The following TECPR1 variants were observed in gnomAD, a reference collection of about 807,000 sequenced individuals.
The protein encoded by TECPR1 is tectonin beta-propeller repeat containing 1.
Under a neutral mutation model 162.4 loss-of-function variants are expected in TECPR1, and 122 were observed. That is an observed-to-expected ratio of 0.75 (90% CI 0.65 to 0.87). The LOEUF (loss-of-function observed/expected upper bound fraction) is 0.87. Ranked by LOEUF, TECPR1 falls within the 40% of genes least tolerant of loss-of-function variation. The pLI is 0.00. For synonymous variants in TECPR1, 642 were observed against 670.6 expected (o/e 0.96, Z 0.66); for missense variants, 1,432 against 1,618.2 (o/e 0.88, Z 1.97).
intron 17 of TECPR1, among the ~76,000 whole-genome samples, chr7:98,225,588 T>G (rs113610231): frequency 6.6e-6 from 1 of 151,946 alleles, no homozygotes; most frequent in Admixed American, 6.6e-5. Flanking sequence ...CACAGACACA[T>G]GCATAGAGGG....
At chr7:98,236,309 G>A (rs961982851) in intron 10 of TECPR1, among the ~76,000 whole-genome samples, 3 of 152,190 alleles carry the variant, frequency 2.0e-5, no homozygotes, top group African/African-American at 7.2e-5. Flanking sequence ...CCCTCCAGGA[G>A]ACCCCGATGC....
At chr7:98,228,197 C>T (rs1798328061) in intron 16 of TECPR1, 81 bp from the exon 17 acceptor site, 2 of 1,134,162 alleles carry the variant, frequency 1.8e-6, no homozygotes, top group East Asian at 2.5e-5. Flanking sequence ...AGCACAGATT[C>T]CCAGAGAGAC....
In TECPR1 at chr7:98,233,528, A is replaced by G. The variant is rs1335568445; in HGVS notation, c.1565T>C (p.Leu522Ser). Residue 522 changes from leucine to serine, a missense_variant, in exon 11 of 26, where the codon TTG (leucine) becomes TCG (serine). Transcript: ENST00000447648. The stretch of plus-strand genomic sequence containing the variant: ...GTCATCCACCCCATACGGCTCCTCC[A>G]AGCCCAGTGGGAGGAGCCCCAGAGA... ...LSSLGLLPLG[L>S]EEPYGVDDHP... 6.3e-7 allele frequency: 1 copy of G among 1,581,648 alleles called. No individual in the cohort carries two copies. Among genetic ancestry groups the G allele is most frequent in the South Asian group, 1.1e-5 (1 of 87,390 alleles).
intron 10 of TECPR1, among the ~76,000 whole-genome samples, chr7:98,234,705 C>CTTTTTTTTTTTTTTTTTTTTT (rs34332931): frequency 1.4e-5 from 1 of 73,508 alleles, no homozygotes; most frequent in Non-Finnish European, 2.5e-5. Flanking sequence ...TTGTTATTGT[C>CTTTTTTTTTTTTTTTTTTTTT]TTTTTTTTTT....
At chr7:98,245,774 G>T in intron 3 of TECPR1, 148 bp downstream of exon 3, 1 of 768,022 alleles carries the variant, frequency 1.3e-6, no homozygotes, top group Non-Finnish European at 2.1e-6. Flanking sequence ...ACGCCTGGCA[G>T]CAACACAGAT....
intron 23 of TECPR1, among the ~76,000 whole-genome samples, chr7:98,220,922 C>T (rs531084572): frequency 1.4e-5 from 2 of 143,724 alleles, no homozygotes; most frequent in East Asian, 2.2e-4. Flanking sequence ...AACTCCTGAT[C>T]TCAAGTGATC....
chr7:98,224,157 C>G (rs963850553), intron 19 of TECPR1, among the ~76,000 whole-genome samples: 3 of 152,196 alleles, frequency 2.0e-5, no homozygotes, highest in Non-Finnish European at 4.4e-5. Flanking sequence ...GTCCAGGAGG[C>G]CTGGCTGTGG....
Position 98,241,180 on chromosome 7 carries a change from G to T in TECPR1, c.722C>A (p.Thr241Asn). The T allele has an allele frequency of 1.9e-6, 3 of 1,612,918 alleles. No homozygotes were observed. Among genetic ancestry groups the T allele is most frequent in the Non-Finnish European group, 2.5e-6 (3 of 1,179,848 alleles). ...PEGSSWSLLD[T>N]PGEVVQISCG... ...GCTGATCTGAACCACCTCCCCGGGG[G>T]TGTCCAGCAGGGACCAGGAGGACCC... The change falls in exon 7 of 26, where the codon ACC (threonine) becomes AAC (asparagine). Residue 241 changes from threonine (T) to asparagine (N), a missense_variant. Coordinates refer to ENST00000447648, the MANE Select transcript of TECPR1 (RefSeq NM_015395.3). This position sits in a 1 kb window ranked among gnomAD's most constrained non-coding sequence, Gnocchi z 5.0.
At position 98,243,497 on chromosome 7, in the gene TECPR1, C is replaced by G; in HGVS notation, c.627G>C (p.Leu209=). 6.2e-7 allele frequency: 1 copy of G among 1,612,654 alleles called. No homozygotes were observed. The highest frequency in any genetic ancestry group is 8.5e-7 in the Non-Finnish European group (1 of 1,179,822). ...CCTGCAGAGACACAGCCCACACTGA[C>G]AGGCGGCCCACAGGCTCCTCCGTGA... ...WEITEEPVGR[L]SVWAVSLQGK... The change falls in exon 6 of 26, where the codon CTG becomes CTC. Residue 209 remains leucine, a synonymous_variant. Transcript: ENST00000447648.
At chr7:98,229,980 C>A (rs1039491889) in intron 15 of TECPR1, among the ~76,000 whole-genome samples, 1 of 151,384 alleles carries the variant, frequency 6.6e-6, no homozygotes, top group African/African-American at 2.4e-5. Flanking sequence ...GAACCTCATT[C>A]CCCCTTTGTG....
chr7:98,250,815 T>A (rs1562947702), intron 2 of TECPR1: 1 of 152,190 alleles, frequency 6.6e-6, no homozygotes, highest in Non-Finnish European at 1.5e-5. Flanking sequence ...TCATTGAATC[T>A]TCTGGGCAGT....
rs375328294 is a variant in TECPR1, at chr7:98,233,857, G to A, written c.1236C>T (p.Ser412=). The A allele has an allele frequency of 3.6e-5, 57 of 1,564,184 alleles. No individual in the cohort carries two copies. The highest frequency in any genetic ancestry group is 1.6e-4 in the African/African-American group (12 of 73,728). The stretch of plus-strand genomic sequence containing the variant: ...CGACTTCCGAGGAGGCATCGGTGTC[G>A]CTGGGGGCAGACTCGCCACTACCCC... ...EVRGSGESAP[S]DTDASSEVER... Residue 412 remains serine (S), a synonymous_variant, in exon 11 of 26, where the codon AGC becomes AGT. Transcript: ENST00000447648.
At position 98,238,797 on chromosome 7, in the gene TECPR1, C is replaced by T. The variant is rs539554702; in HGVS notation, c.934-187G>A. On this transcript the variant is annotated intron_variant, in intron 8 of 25. Transcript: ENST00000447648. ...CACGCCGCTCTTCCCACACCCTGACCGCATCTCCTGTGCCTGGCACTGTCC... is the reference window on the plus strand; with the variant it reads ...CACGCCGCTCTTCCCACACCCTGACTGCATCTCCTGTGCCTGGCACTGTCC... 4.9e-4 allele frequency among the ~76,000 whole-genome samples: 74 copies of T among 152,312 alleles called. 1 individual carries two copies. The highest frequency in any genetic ancestry group is 1.7e-3 in the African/African-American group (69 of 41,570).
chr7:98,235,326 C>G (rs1289269951), intron 10 of TECPR1, among the ~76,000 whole-genome samples: 1 of 151,232 alleles, frequency 6.6e-6, no homozygotes, highest in Non-Finnish European at 1.5e-5. Context: ...GAGATCGAGA[C>G]CATCCTGGCT....
intron 19 of TECPR1, 27 bp downstream of exon 19, chr7:98,224,774 G>T (rs765454198): frequency 6.4e-7 from 1 of 1,558,836 alleles, no homozygotes. Flanking sequence ...GACCCAGCCC[G>T]AAGGCCCTGT....
intron 2 of TECPR1, among the ~76,000 whole-genome samples, chr7:98,248,533 C>CA (rs60387349): frequency 0.05 from 482 of 9,620 alleles, 154 homozygotes; most frequent in African/African-American, 0.18. Context: ...CTGCCACCGG[C>CA]AAAAAAAAAA....
At chr7:98,247,063 G>A (rs1159077448) in intron 2 of TECPR1, among the ~76,000 whole-genome samples, 4 of 151,522 alleles carry the variant, frequency 2.6e-5, no homozygotes, top group Admixed American at 6.6e-5. Context: ...GCTTGAACCC[G>A]GGAGATGGAG....
chr7:98,242,841 A>G (rs1798792469), intron 6 of TECPR1, among the ~76,000 whole-genome samples: 1 of 145,066 alleles, frequency 6.9e-6, no homozygotes, highest in Non-Finnish European at 1.5e-5. Flanking sequence ...CCATCTGCAC[A>G]TACCTTCCAT....
chr7:98,244,481 G>A (rs191503175), intron 5 of TECPR1, 90 bp downstream of exon 5: 2 of 1,504,276 alleles, frequency 1.3e-6, no homozygotes, highest in Non-Finnish European at 8.9e-7. Context: ...GTCCCCTGGT[G>A]CACACAGGTG....
Sources: allele counts gnomAD v4.1 joint callset (sites outside exome capture counted in the v4.1 genomes callset), GRCh38; gene constraint gnomAD v4.1.1; non-coding constraint Gnocchi (gnomAD v3.1); transcripts MANE v1.5; gene names NCBI Gene and HGNC (gene_info 2026-07-23, HGNC 2026-07-21).